TRDN: variants seen among roughly 807,000 people sequenced by gnomAD.
TRDN encodes triadin.
TRDN carries 161 observed loss-of-function variants against 149.7 expected under a neutral mutation model. The observed-to-expected ratio is 1.08, with a 90% CI of 0.95 to 1.23. The LOEUF (loss-of-function observed/expected upper bound fraction) is 1.23. TRDN is among the 50% of genes most tolerant of loss of function. The pLI, the probability that TRDN is intolerant of heterozygous loss-of-function variation, is 0.00. For missense variants in TRDN, 896 were observed against 823.5 expected (o/e 1.09, Z -1.08); for synonymous variants, 294 against 250.5 (o/e 1.17, Z -1.64).
intron 9 of TRDN, among the ~76,000 whole-genome samples, chr6:123,493,967 A>G (rs771380057): frequency 2.0e-5 from 3 of 152,320 alleles, no homozygotes; most frequent in Non-Finnish European, 4.4e-5. Context: ...ATAACATCAT[A>G]TAGTTTATTA....
In TRDN at chr6:123,438,993, C is replaced by G; in HGVS notation, c.942G>C (p.Gly314=). The change falls in exon 11 of 41, where the codon GGG becomes GGC. Residue 314 remains glycine (G), a synonymous_variant. Coordinates refer to ENST00000334268, the MANE Select transcript of TRDN (RefSeq NM_006073.4). Reference sequence around the variant, plus strand: ...CTTTCTTCTCAGCCTTCTTCTTTTCCCCTTCTTTTTCTAGAGAATACATTT... The same window carrying G: ...CTTTCTTCTCAGCCTTCTTCTTTTCGCCTTCTTTTTCTAGAGAATACATTT... The part of the protein sequence containing the change: ...PASPALEEKE[G]EKKKAEKKVT... 6.4e-7 allele frequency: 1 copy of G among 1,554,516 alleles called. No homozygotes were observed. Among genetic ancestry groups the G allele is most frequent in the African/African-American group, 1.4e-5 (1 of 73,406 alleles).
At chr6:123,287,121 C>G (rs1777830702) in intron 24 of TRDN, among the ~76,000 whole-genome samples, 2 of 152,078 alleles carry the variant, frequency 1.3e-5, no homozygotes, top group Admixed American at 6.6e-5. Flanking sequence ...ATGATGAAAT[C>G]TCACCAATAA....
Position 123,271,206 on chromosome 6 carries a change from TAA to T in TRDN, c.1673-22_1673-21del. 6.6e-7 allele frequency: 1 copy of T among 1,507,622 alleles called. No individual in the cohort carries two copies. The highest frequency in any genetic ancestry group is 8.9e-7 in the Non-Finnish European group (1 of 1,124,024). 93.4% of individuals were successfully genotyped at this position (1,507,622 alleles called of 1,614,324 possible). On this transcript the variant is annotated intron_variant, in intron 29 of 40. Transcript: ENST00000334268. ...TTTCTTCTGTGATAGGAAAAAATGT[TAA>T]CACAAGTAGGAAATTTGAATACATC... is the stretch of plus-strand genomic sequence containing the variant.
At chr6:123,499,628 C>A (rs1236534553) in intron 8 of TRDN, among the ~76,000 whole-genome samples, 4 of 141,364 alleles carry the variant, frequency 2.8e-5, no homozygotes, top group Non-Finnish European at 1.5e-5. Flanking sequence ...TGCTTGAACC[C>A]GGGAGGCAGA....
intron 12 of TRDN, among the ~76,000 whole-genome samples, chr6:123,412,991 T>G (rs1773504988): frequency 6.6e-6 from 1 of 152,036 alleles, no homozygotes; most frequent in Non-Finnish European, 1.5e-5. Context: ...AACATAGAAC[T>G]AAACATGATT....
intron 8 of TRDN, chr6:123,502,673 A>G: frequency 1.0e-6 from 1 of 984,564 alleles, no homozygotes; most frequent in Non-Finnish European, 1.2e-6. Flanking sequence ...TCATCCTCCA[A>G]ATAGCCTGCT....
intron 25 of TRDN, 39 bp downstream of exon 25, chr6:123,279,017 T>C: frequency 6.3e-7 from 1 of 1,578,634 alleles, no homozygotes; most frequent in Non-Finnish European, 8.6e-7. Context: ...TGTATGTACA[T>C]ATGTACGTGT....
At chr6:123,574,558 A>T (rs1211984129) in intron 1 of TRDN, among the ~76,000 whole-genome samples, 2 of 151,894 alleles carry the variant, frequency 1.3e-5, no homozygotes, top group Non-Finnish European at 2.9e-5. Flanking sequence ...AAGTAAACCA[A>T]TTATGAGTGT....
intron 19 of TRDN, among the ~76,000 whole-genome samples, chr6:123,372,949 A>G (rs1486071777): frequency 6.6e-6 from 1 of 152,084 alleles, no homozygotes; most frequent in East Asian, 1.9e-4. Context: ...ACTTGCAGAA[A>G]TTGTCAGTCT....
chr6:123,546,442 C>T (rs1781117624), intron 4 of TRDN, among the ~76,000 whole-genome samples: 1 of 151,986 alleles, frequency 6.6e-6, no homozygotes, highest in African/African-American at 2.4e-5. Flanking sequence ...GTTTGGATCC[C>T]ATTGTTTGAA....
chr6:123,381,915 C>A (rs180785902), intron 15 of TRDN, among the ~76,000 whole-genome samples: 66 of 147,210 alleles, frequency 4.5e-4, no homozygotes, highest in African/African-American at 1.5e-3. Flanking sequence ...TCCATTACTG[C>A]GAAATACTTC....
At chr6:123,306,033 G>A (rs1406219439) in intron 24 of TRDN, among the ~76,000 whole-genome samples, 2 of 152,084 alleles carry the variant, frequency 1.3e-5, no homozygotes, top group Non-Finnish European at 2.9e-5. Flanking sequence ...ATTCAAACTG[G>A]ATTTATTATA....
intron 12 of TRDN, among the ~76,000 whole-genome samples, chr6:123,424,867 G>A (rs1451523852): frequency 4.6e-5 from 7 of 152,128 alleles, no homozygotes; most frequent in African/African-American, 1.7e-4. Context: ...CCATCAACCT[G>A]GGTGCCTAAG....
intron 24 of TRDN, among the ~76,000 whole-genome samples, chr6:123,306,452 T>C (rs574503416): frequency 1.3e-5 from 2 of 152,238 alleles, no homozygotes; most frequent in East Asian, 3.9e-4. Flanking sequence ...TGGGTCATTC[T>C]TGTCATACTC....
At chr6:123,414,615 G>A (rs1773577491) in intron 12 of TRDN, among the ~76,000 whole-genome samples, 1 of 152,016 alleles carries the variant, frequency 6.6e-6, no homozygotes. Flanking sequence ...TCCCAATCAA[G>A]AACTTGGAAG....
chr6:123,265,232 A>G, intron 33 of TRDN, 86 bp downstream of exon 33: 1 of 1,033,676 alleles, frequency 9.7e-7, no homozygotes, highest in Non-Finnish European at 1.4e-6. Context: ...AGACCATACT[A>G]TTTAACTTCA....
intron 6 of TRDN, among the ~76,000 whole-genome samples, 184 bp downstream of exon 6, chr6:123,515,957 C>T (rs1779391811): frequency 6.6e-6 from 1 of 152,080 alleles, no homozygotes; most frequent in African/African-American, 2.4e-5. Context: ...TTCAACAGTT[C>T]TTAACAGTCT....
At chr6:123,535,292 G>A (rs116716722) in intron 4 of TRDN, among the ~76,000 whole-genome samples, 9 of 152,210 alleles carry the variant, frequency 5.9e-5, no homozygotes, top group Non-Finnish European at 8.8e-5. Context: ...TAAAGTTGCC[G>A]GTGTCAGTAA....
intron 39 of TRDN, among the ~76,000 whole-genome samples, chr6:123,222,100 C>G (rs1775169054): frequency 6.6e-6 from 1 of 151,546 alleles, no homozygotes; most frequent in African/African-American, 2.4e-5. Flanking sequence ...TCTTTGAATC[C>G]CTTTCTTCCG....
Sources: allele counts gnomAD v4.1 joint callset (sites outside exome capture counted in the v4.1 genomes callset), GRCh38; gene constraint gnomAD v4.1.1; transcripts MANE v1.5; gene names NCBI Gene and HGNC (gene_info 2026-07-23, HGNC 2026-07-21).